The following CALR variants were observed in gnomAD, a reference collection of about 807,000 sequenced individuals.
CALR encodes CRP55.
CALR carries 15 observed loss-of-function variants against 51.1 expected under a neutral mutation model. The observed-to-expected ratio is 0.29, with a 90% confidence interval of 0.20 to 0.45. The LOEUF (loss-of-function observed/expected upper bound fraction) is 0.45. CALR is among the 20% of genes least tolerant of loss of function. The probability of loss-of-function intolerance (pLI) is 1.00; values close to 1 mark genes in which losing one functional copy is unlikely to be tolerated. For synonymous variants in CALR, 239 were observed against 205.9 expected (o/e 1.16, Z -1.38); for missense variants, 477 against 530.6 (o/e 0.90, Z 0.99).
At position 12,939,694 on chromosome 19, in the gene CALR, T is replaced by C. The variant is rs527638976; in HGVS notation, c.397+63T>C. 2.5e-3 allele frequency: 3,527 copies of C among 1,396,000 alleles called. 3 individuals carry two copies. Among genetic ancestry groups the C allele is most frequent in the Non-Finnish European group, 3.2e-3 (3,178 of 982,762 alleles). The allele number at this position is 1,396,000 out of a possible 1,614,324, so 86.5% of individuals were successfully genotyped here. Reference sequence around the variant, plus strand: ...TAGTTAGAGGGAGACCCAGACCCCATTGACTTTCTTAATAATGATTTTTTT... The same window carrying C: ...TAGTTAGAGGGAGACCCAGACCCCACTGACTTTCTTAATAATGATTTTTTT... On this transcript the variant is annotated intron_variant, in intron 3 of 8. Coordinates refer to ENST00000316448, the MANE Select transcript of CALR (RefSeq NM_004343.4).
intron 1 of CALR, 165 bp downstream of exon 1, chr19:12,938,935 C>G: frequency 1.3e-6 from 1 of 747,888 alleles, no homozygotes; most frequent in Non-Finnish European, 2.4e-6. Flanking sequence ...GCGCGGAGGG[C>G]GTAGCGGCCT....
At chr19:12,939,963 A>G in intron 3 of CALR, 90 bp from the exon 4 acceptor site, 2 of 950,146 alleles carry the variant, frequency 2.1e-6, no homozygotes, top group Non-Finnish European at 1.7e-6. Flanking sequence ...ACCCGAGTTG[A>G]AGAACCAGGT....
chr19:12,944,468 A>G lies in CALR; in HGVS notation c.*555A>G, dbSNP rs1436511469. 5.9e-6 allele frequency: 1 copy of G among 170,306 alleles called. No homozygotes were observed. 10.5% of individuals were successfully genotyped at this position (170,306 alleles called of 1,614,324 possible). A position where few individuals can be genotyped will look rare whatever the true frequency, so the allele number is the denominator to read the frequency against. ...TGTAAGAACTACAAACAAAATTTCT[A>G]TTAAATTAAATTTTGTGTCTCCCTC... On this transcript the variant is annotated 3_prime_UTR_variant, in exon 9 of 9. Transcript: ENST00000316448.
rs981730544 is a variant in CALR at position 12,939,303 on chromosome 19, C to T, written c.193+68C>T. ...TGGCAGAAGTCCTTGTCTGTACACACACAGCCGGGACAGTCCCCTTGGAGG... is the reference window on the plus strand; with the variant it reads ...TGGCAGAAGTCCTTGTCTGTACACATACAGCCGGGACAGTCCCCTTGGAGG... On this transcript the variant is annotated intron_variant, in intron 2 of 8. Coordinates refer to ENST00000316448, the MANE Select transcript of CALR (RefSeq NM_004343.4). 23 of 1,431,082 alleles carry T rather than the reference C, an allele frequency of 1.6e-5. No individual in the cohort carries two copies. In the African/African-American group the frequency reaches 2.5e-4, roughly 16 times the overall value. The allele number at this position is 1,431,082 out of a possible 1,614,324, so 88.6% of individuals were successfully genotyped here. A position where few individuals can be genotyped will look rare whatever the true frequency, so the allele number is the denominator to read the frequency against.
Position 12,938,635 on chromosome 19 carries a change from G to T in CALR, c.-45G>T. The T allele has an allele frequency of 6.9e-7, 1 of 1,457,144 alleles. No homozygotes were observed. The highest frequency in any genetic ancestry group is 9.5e-7 in the Non-Finnish European group (1 of 1,053,788). The allele number at this position is 1,457,144 out of a possible 1,614,324, so 90.3% of individuals were successfully genotyped here. ...TCCGTACTGCAGAGCCGCTGCCGGA[G>T]GGTCGTTTTAAAGGGCCCGCGCGTT... On this transcript the variant is annotated 5_prime_UTR_variant, in exon 1 of 9. It adds an upstream start codon to the 5' untranslated region. Coordinates refer to ENST00000316448, the MANE Select transcript of CALR (RefSeq NM_004343.4).
rs763253932 is a variant in CALR, at chr19:12,940,666, G to A, written c.816+12G>A. 1.9e-6 allele frequency: 3 copies of A among 1,613,848 alleles called. No individual in the cohort carries two copies. The highest frequency in any genetic ancestry group is 2.5e-6 in the Non-Finnish European group (3 of 1,179,726). On this transcript the variant is annotated intron_variant, in intron 6 of 8. Coordinates refer to ENST00000316448, the MANE Select transcript of CALR (RefSeq NM_004343.4). ...ACCCTGAGTACAAGGTGAGTTTGGGGCTCTGAGCAGGGCTGGGGCTCACAG... is the reference window on the plus strand; with the variant it reads ...ACCCTGAGTACAAGGTGAGTTTGGGACTCTGAGCAGGGCTGGGGCTCACAG...
In CALR at chr19:12,940,738, C is replaced by T. The variant is rs904154287; in HGVS notation, c.817-6C>T. 34 of 1,614,094 alleles carry T rather than the reference C, an allele frequency of 2.1e-5. No homozygotes were observed. The highest frequency in any genetic ancestry group is 2.5e-5 in the Non-Finnish European group (30 of 1,180,058). Reference sequence around the variant, plus strand: ...TCACCCTTCGGTTTCCTTCTCCCTTCTGCAGGGTGAGTGGAAGCCCCGGCA... The same window carrying T: ...TCACCCTTCGGTTTCCTTCTCCCTTTTGCAGGGTGAGTGGAAGCCCCGGCA... On this transcript the variant is annotated splice_polypyrimidine_tract_variant and splice_region_variant and intron_variant, in intron 6 of 8. Transcript: ENST00000316448.
Position 12,943,566 on chromosome 19 carries a change from C to A in CALR, c.990C>A (p.Phe330Leu), listed in dbSNP as rs769661818. Residue 330 changes from phenylalanine to leucine, a missense_variant, in exon 8 of 9, where the codon TTC (phenylalanine) becomes TTA (leucine). Phe to Leu is a conservative substitution (Grantham distance 22). Transcript: ENST00000316448. ...AGTCTGGCACCATCTTTGACAACTT[C>A]CTCATCACCAACGATGAGGCATACG... ...QVKSGTIFDN[F>L]LITNDEAYAE... is the part of the protein sequence containing the mutation. 1.2e-5 allele frequency: 19 copies of A among 1,614,200 alleles called. No homozygotes were observed. The highest frequency in any genetic ancestry group is 1.6e-5 in the Non-Finnish European group (19 of 1,180,038).
chr19:12,939,351 G>C (rs1971512581), intron 2 of CALR, 77 bp from the exon 3 acceptor site: 3 of 1,492,286 alleles, frequency 2.0e-6, no homozygotes, highest in Admixed American at 1.7e-5. Context: ...GGAAGTGGGG[G>C]AGTCTTCTCT....
At position 12,943,580 on chromosome 19, in the gene CALR, A is replaced by G; in HGVS notation, c.1004A>G (p.Asp335Gly). The change falls in exon 8 of 9, where the codon GAT (aspartate) becomes GGT (glycine). Residue 335 changes from aspartate (D) to glycine (G), a missense_variant. Asp to Gly is a moderately conservative substitution (Grantham distance 94). Coordinates refer to ENST00000316448, the MANE Select transcript of CALR (RefSeq NM_004343.4). ...TIFDNFLITN[D>G]EAYAEEFGNE... ...TTTGACAACTTCCTCATCACCAACG[A>G]TGAGGCATACGCTGAGGAGTTTGGC... The G allele has an allele frequency of 6.2e-7, 1 of 1,614,100 alleles. No homozygotes were observed. The highest frequency in any genetic ancestry group is 8.5e-7 in the Non-Finnish European group (1 of 1,180,020).
Position 12,943,971 on chromosome 19 carries a change from G to T in CALR, c.*58G>T. On this transcript the variant is annotated 3_prime_UTR_variant, in exon 9 of 9. Coordinates refer to ENST00000316448, the MANE Select transcript of CALR (RefSeq NM_004343.4). Reference sequence around the variant, plus strand: ...GAGCGCTCCTGCCGCAGAGCTGGCCGCGCCAAATAATGTCTCTGTGAGACT... The same window carrying T: ...GAGCGCTCCTGCCGCAGAGCTGGCCTCGCCAAATAATGTCTCTGTGAGACT... The T allele has an allele frequency of 6.3e-7, 1 of 1,593,916 alleles. No individual in the cohort carries two copies. Among genetic ancestry groups the T allele is most frequent in the South Asian group, 1.1e-5 (1 of 87,688 alleles).
intron 3 of CALR, 64 bp from the exon 4 acceptor site, chr19:12,939,989 A>T: frequency 8.8e-7 from 1 of 1,137,008 alleles, no homozygotes. Context: ...TTTTATAAAG[A>T]GGGGTGAGAG....
chr19:12,938,683 C>G lies in CALR; in HGVS notation c.4C>G (p.Leu2Val). 6.2e-7 allele frequency: 1 copy of G among 1,609,730 alleles called. No homozygotes were observed. The highest frequency in any genetic ancestry group is 8.5e-7 in the Non-Finnish European group (1 of 1,178,520). ...GTTGCCGCCCCCTCGGCCCGCCATG[C>G]TGCTATCCGTGCCGCTGCTGCTCGG... MLLSVPLLLGLL... is the reference protein window; with the variant it reads MVLSVPLLLGLL... The change falls in exon 1 of 9, where the codon CTG (leucine) becomes GTG (valine). Residue 2 changes from leucine to valine, a missense_variant. Leu to Val is a conservative substitution (Grantham distance 32). Coordinates refer to ENST00000316448, the MANE Select transcript of CALR (RefSeq NM_004343.4).
rs530306492 is a variant in CALR, at chr19:12,943,998, G to C, written c.*85G>C. On this transcript the variant is annotated 3_prime_UTR_variant, in exon 9 of 9. Transcript: ENST00000316448. ...GCCAAATAATGTCTCTGTGAGACTCGAGAACTTTCATTTTTTTCCAGGCTG... is the reference window on the plus strand; with the variant it reads ...GCCAAATAATGTCTCTGTGAGACTCCAGAACTTTCATTTTTTTCCAGGCTG... The C allele has an allele frequency of 2.5e-6, 4 of 1,571,320 alleles. No homozygotes were observed. Among genetic ancestry groups the C allele is most frequent in the South Asian group, 2.3e-5 (2 of 85,850 alleles).
chr19:12,938,692 G>T lies in CALR; in HGVS notation c.13G>T (p.Val5Leu). The change falls in exon 1 of 9, where the codon GTG (valine) becomes TTG (leucine). Residue 5 changes from valine to leucine, a missense_variant. Physicochemically the swap from Val to Leu is conservative, Grantham distance 32. Transcript: ENST00000316448. MLLSVPLLLGLLGLA... is the reference protein window; with the variant it reads MLLSLPLLLGLLGLA... ...CCCTCGGCCCGCCATGCTGCTATCC[G>T]TGCCGCTGCTGCTCGGCCTCCTCGG... is the stretch of plus-strand genomic sequence containing the variant. 1 of 1,610,704 alleles carries T rather than the reference G, an allele frequency of 6.2e-7. No individual in the cohort carries two copies. Among genetic ancestry groups the T allele is most frequent in the Non-Finnish European group, 8.5e-7 (1 of 1,179,008 alleles).
rs149740908 is a variant in CALR, at chr19:12,940,432, C to T, written c.682C>T (p.Pro228Ser). Residue 228 changes from proline to serine, a missense_variant, in exon 5 of 9, where the codon CCC becomes TCC. Coordinates refer to ENST00000316448, the MANE Select transcript of CALR (RefSeq NM_004343.4). The stretch of plus-strand genomic sequence containing the variant: ...GGATGAGCGGGCCAAGATCGATGAT[C>T]CCACAGACTCCAAGCCTGAGGTTGG... ...DWDERAKIDD[P>S]TDSKPEDWDK... 1,069 of 1,614,154 alleles carry T rather than the reference C, an allele frequency of 6.6e-4. 16 individuals are homozygous for T. In the South Asian group the frequency reaches 6.7e-3, roughly 10 times the overall value.
intron 1 of CALR, 117 bp downstream of exon 1, chr19:12,938,887 T>G: frequency 2.3e-6 from 2 of 868,076 alleles, no homozygotes; most frequent in South Asian, 2.9e-5. Context: ...CTCCCGGGAC[T>G]AGAGCCGCGG....
rs1286497283 is a variant in CALR, at chr19:12,939,183, C to T, written c.141C>T (p.Gly47=). The change falls in exon 2 of 9, where the codon GGC becomes GGT. Residue 47 remains glycine, a synonymous_variant. Transcript: ENST00000316448. ...WIESKHKSDF[G]KFVLSSGKFY... is the part of the protein sequence containing the mutation. The stretch of plus-strand genomic sequence containing the variant: ...AATCCAAACACAAGTCAGATTTTGG[C>T]AAATTCGTTCTCAGTTCCGGCAAGT... 3 of 1,612,052 alleles carry T rather than the reference C, an allele frequency of 1.9e-6. No homozygotes were observed.
chr19:12,938,782 T>G lies in CALR; in HGVS notation c.91+12T>G. ...GTTTCTGGACGGAGGTAACGCCTGG[T>G]CCCGCCTCGAGGCCGCCCCGACGAC... On this transcript the variant is annotated intron_variant, in intron 1 of 8. Transcript: ENST00000316448. The G allele has an allele frequency of 1.3e-6, 2 of 1,595,140 alleles. No individual in the cohort carries two copies. The highest frequency in any genetic ancestry group is 3.4e-5 in the Admixed American group (2 of 58,596).
Sources: allele counts gnomAD v4.1 joint callset, GRCh38; gene constraint gnomAD v4.1.1; transcripts MANE v1.5; gene names NCBI Gene and HGNC (gene_info 2026-07-23, HGNC 2026-07-21).